Variants in ZNF366 observed in about 807,000 individuals in gnomAD.
The protein encoded by ZNF366 is dendritic cell-specific transcript protein.
A neutral mutation model predicts 47.2 loss-of-function variants in ZNF366; 20 were observed. That is an observed-to-expected ratio of 0.42 (90% CI 0.30 to 0.62). The LOEUF (loss-of-function observed/expected upper bound fraction) is 0.62, where lower values mean the gene tolerates loss of function less well. Among genes scored for constraint, ZNF366 ranks in the 20% least tolerant of loss-of-function variants. The pLI, the probability that ZNF366 is intolerant of heterozygous loss-of-function variation, is 0.16. For missense variants in ZNF366, 987 were observed against 976.3 expected, an observed-to-expected ratio of 1.01 and a Z score of -0.15; for synonymous variants, 421 against 395.1, an observed-to-expected ratio of 1.07 and a Z score of -0.78.
chr5:72,471,867 TAA>T (rs1743572387), intron 1 of ZNF366, among the ~76,000 whole-genome samples: 1 of 152,126 alleles, frequency 6.6e-6, no homozygotes, highest in South Asian at 2.1e-4. Context: ...AATTTTTTTT[TAA>T]GAGACGGGGT....
chr5:72,450,840 G>A lies in ZNF366; in HGVS notation c.1525-3423C>T, dbSNP rs139667565. 1.6e-4 allele frequency among the ~76,000 whole-genome samples: 24 copies of A among 152,308 alleles called. No homozygotes were observed. The East Asian group carries it at 4.6e-3, about 29-fold the overall frequency. On this transcript the variant is annotated intron_variant, in intron 3 of 4. Coordinates refer to ENST00000318442, the MANE Select transcript of ZNF366 (RefSeq NM_152625.3). ...TATTTTATGTCTGTGAAACTCAAGA[G>A]AGAAACCTCTCACACACTGTTAGTA...
chr5:72,459,573 T>G (rs888291379), intron 2 of ZNF366, among the ~76,000 whole-genome samples: 1 of 152,140 alleles, frequency 6.6e-6, no homozygotes, highest in Non-Finnish European at 1.5e-5. Context: ...TCCTACAATG[T>G]AAACCACAGG....
chr5:72,504,067 G>A (rs1199553501), intron 1 of ZNF366, among the ~76,000 whole-genome samples: 7 of 151,264 alleles, frequency 4.6e-5, no homozygotes, highest in South Asian at 4.2e-4. Flanking sequence ...ACGCACACAC[G>A]CACGCACACA....
intron 1 of ZNF366, among the ~76,000 whole-genome samples, chr5:72,469,755 A>G (rs1276932285): frequency 6.6e-6 from 1 of 152,194 alleles, no homozygotes; most frequent in Admixed American, 6.5e-5. Context: ...GAAATGCAAA[A>G]TCATCTGGAG....
rs766354729 is a variant in ZNF366, at chr5:72,444,137, C to T, written c.1854G>A (p.Glu618=). Residue 618 remains glutamate, a synonymous_variant, in exon 5 of 5, where the codon GAG becomes GAA. Coordinates refer to ENST00000318442, the MANE Select transcript of ZNF366 (RefSeq NM_152625.3). ...GESAQGSHCH[E]EEEEDNCYEV... ...CGTAGCAGTTATCCTCCTCTTCCTC[C>T]TCGTGGCAGTGGCTGCCCTGGGCAC... 21 of 1,613,776 alleles carry T rather than the reference C, an allele frequency of 1.3e-5. No individual in the cohort carries two copies. The African/African-American group carries it at 2.0e-4, about 15-fold the overall frequency.
At position 72,447,421 on chromosome 5, in the gene ZNF366, T is replaced by C; in HGVS notation, c.1525-4A>G. On this transcript the variant is annotated splice_region_variant and splice_polypyrimidine_tract_variant and intron_variant, in intron 3 of 4. Transcript: ENST00000318442. ...GGTTGAATTCCTTCCCACAAAGCTG[T>C]TGAAGATGGGGATGAGAACACAGGT... 6.2e-7 allele frequency: 1 copy of C among 1,614,022 alleles called. No individual in the cohort carries two copies. The highest frequency in any genetic ancestry group is 1.3e-5 in the African/African-American group (1 of 75,044).
At chr5:72,506,120 C>T (rs1322525275) in intron 1 of ZNF366, among the ~76,000 whole-genome samples, 2 of 152,128 alleles carry the variant, frequency 1.3e-5, no homozygotes, top group Non-Finnish European at 2.9e-5. Flanking sequence ...AATGAGAGTC[C>T]AGCTATTTTT....
intron 1 of ZNF366, among the ~76,000 whole-genome samples, chr5:72,501,211 T>C (rs775148414): frequency 1.3e-5 from 2 of 152,184 alleles, no homozygotes; most frequent in Non-Finnish European, 2.9e-5. Context: ...TGTTGGTAAA[T>C]CACTCTCCCA....
intron 2 of ZNF366, among the ~76,000 whole-genome samples, chr5:72,458,545 AC>A (rs1438805871): frequency 1.3e-5 from 2 of 152,234 alleles, no homozygotes; most frequent in Non-Finnish European, 2.9e-5. Context: ...CAGTGGAATC[AC>A]AGAGTCGGAG....
intron 1 of ZNF366, among the ~76,000 whole-genome samples, chr5:72,499,859 G>A (rs1444773339): frequency 2.6e-5 from 4 of 152,154 alleles, no homozygotes; most frequent in African/African-American, 7.2e-5. Context: ...GAGATGCCAT[G>A]GGCTCCATCC....
chr5:72,444,239 A>G lies in ZNF366; in HGVS notation c.1752T>C (p.Ser584=), dbSNP rs780476850. 3 of 1,612,950 alleles carry G rather than the reference A, an allele frequency of 1.9e-6. No homozygotes were observed. Among genetic ancestry groups the G allele is most frequent in the Non-Finnish European group, 2.5e-6 (3 of 1,179,914 alleles). ...ALAQTAGVLR[S]LEQEEPFDLS... ...GGTCAAAGGGCTCCTCCTGCTCCAG[A>G]CTCCTCAGGACACCGGCTGTCTGTG... The change falls in exon 5 of 5, where the codon AGT becomes AGC. Residue 584 remains serine, a synonymous_variant. Coordinates refer to ENST00000318442, the MANE Select transcript of ZNF366 (RefSeq NM_152625.3).
chr5:72,479,877 T>C lies in ZNF366; in HGVS notation c.-14-18367A>G, dbSNP rs186182065. 4.3e-3 allele frequency among the ~76,000 whole-genome samples: 659 copies of C among 152,302 alleles called. 3 individuals are homozygous for C. Among genetic ancestry groups the C allele is most frequent in the African/African-American group, 0.015 (642 of 41,552 alleles). The stretch of plus-strand genomic sequence containing the variant: ...CTGGAGACAGGGATTGGACTGAATT[T>C]CAGGTTTAAAATTTGTAAAAACAAC... On this transcript the variant is annotated intron_variant, in intron 1 of 4. Transcript: ENST00000318442.
chr5:72,456,603 G>A lies in ZNF366; in HGVS notation c.1333-8C>T, dbSNP rs201376300. 2 of 1,572,342 alleles carry A rather than the reference G, an allele frequency of 1.3e-6. No individual in the cohort carries two copies. The highest frequency in any genetic ancestry group is 2.3e-5 in the East Asian group (1 of 44,176). On this transcript the variant is annotated splice_region_variant and splice_polypyrimidine_tract_variant and intron_variant, in intron 2 of 4. Coordinates refer to ENST00000318442, the MANE Select transcript of ZNF366 (RefSeq NM_152625.3). ...CTTATGCTCCTTCACACCCTGCAGG[G>A]AGGCAAGATTCAGAAAAGTGGTGAT... is the stretch of plus-strand genomic sequence containing the variant.
chr5:72,486,030 C>T (rs1351135506), intron 1 of ZNF366, among the ~76,000 whole-genome samples: 2 of 152,200 alleles, frequency 1.3e-5, no homozygotes, highest in East Asian at 3.9e-4. Flanking sequence ...TCCGTATTCT[C>T]TCTCCTTCCT....
intron 1 of ZNF366, among the ~76,000 whole-genome samples, chr5:72,483,516 G>C (rs903644075): frequency 6.6e-6 from 1 of 152,090 alleles, no homozygotes; most frequent in Non-Finnish European, 1.5e-5. Flanking sequence ...CACAATATGA[G>C]AAGAAGTAAC....
intron 1 of ZNF366, among the ~76,000 whole-genome samples, chr5:72,501,785 C>T (rs1292618239): frequency 6.6e-6 from 1 of 152,214 alleles, no homozygotes; most frequent in East Asian, 1.9e-4. Flanking sequence ...ATTTGCAAAC[C>T]CATCATCTGC....
chr5:72,491,555 C>T (rs1233030864), intron 1 of ZNF366, among the ~76,000 whole-genome samples: 1 of 152,140 alleles, frequency 6.6e-6, no homozygotes, highest in Non-Finnish European at 1.5e-5. Context: ...CCACAGTTTC[C>T]TCCTGTGGAA....
intron 1 of ZNF366, among the ~76,000 whole-genome samples, chr5:72,497,281 T>G (rs1055753466): frequency 2.0e-5 from 3 of 152,206 alleles, no homozygotes; most frequent in African/African-American, 7.2e-5. Context: ...ACACTTACAT[T>G]CAGGCCTATG....
Position 72,444,067 on chromosome 5 carries a change from G to C in ZNF366, c.1924C>G (p.Leu642Val). ...SPGLAPQSQQ[L>V]CTPEDLSTKS... ...GTGGACAGATCCTCGGGTGTGCAGA[G>C]CTGCTGGCTCTGGGGGGCCAGGCCA... Residue 642 changes from leucine (L) to valine (V), a missense_variant, in exon 5 of 5, where the codon CTC becomes GTC. Physicochemically the swap from Leu to Val is conservative, Grantham distance 32. This residue lies in a region of ZNF366 where 285 missense variants were observed against 234.8 expected (regional missense o/e 1.21). Transcript: ENST00000318442. 1 of 1,614,178 alleles carries C rather than the reference G, an allele frequency of 6.2e-7. No individual in the cohort carries two copies. The highest frequency in any genetic ancestry group is 2.2e-5 in the East Asian group (1 of 44,876).
Sources: allele counts gnomAD v4.1 joint callset (sites outside exome capture counted in the v4.1 genomes callset), GRCh38; gene constraint gnomAD v4.1.1; regional missense constraint gnomAD v4.1.1; transcripts MANE v1.5; gene names NCBI Gene and HGNC (gene_info 2026-07-23, HGNC 2026-07-21).